ADAP2: variants seen among roughly 807,000 people sequenced by gnomAD.
ADAP2 encodes ArfGAP with dual PH domains 2, also known as arf-GAP with dual PH domain-containing protein 2.
A neutral mutation model predicts 54.9 loss-of-function variants in ADAP2; 42 were observed. The observed-to-expected ratio is 0.77, with a 90% CI of 0.60 to 0.99. The LOEUF (loss-of-function observed/expected upper bound fraction) is 0.99, where lower values mean the gene tolerates loss of function less well. Ranked by LOEUF, ADAP2 falls within the 50% of genes least tolerant of loss-of-function variation. The pLI, the probability that ADAP2 is intolerant of heterozygous loss-of-function variation, is 0.00. For synonymous variants in ADAP2, 177 were observed against 180.1 expected (o/e 0.98, Z 0.14); for missense variants, 429 against 480.4 (o/e 0.89, Z 1.00).
chr17:30,924,870 T>TG (rs1567713089), intron 2 of ADAP2, among the ~76,000 whole-genome samples: 2 of 151,578 alleles, frequency 1.3e-5, no homozygotes, highest in African/African-American at 4.8e-5. Flanking sequence ...TTTTTTGTTT[T>TG]TTTTGTTTTT....
chr17:30,928,279 C>T (rs944808359), intron 3 of ADAP2, among the ~76,000 whole-genome samples: 3 of 150,864 alleles, frequency 2.0e-5, no homozygotes, highest in Non-Finnish European at 4.4e-5. Context: ...GCGGATCACT[C>T]GAGGCCAGGA....
rs1911620735 is a variant in ADAP2, at chr17:30,933,193, G to A, written c.398-992G>A. On this transcript the variant is annotated intron_variant, in intron 4 of 10. Coordinates refer to ENST00000330889, the MANE Select transcript of ADAP2 (RefSeq NM_018404.3). ...ACCACAAATTATTCTATTTATTTAT[G>A]TATTTATTTATTGAGTCAGGGTCTC... 3.3e-5 allele frequency among the ~76,000 whole-genome samples: 5 copies of A among 152,228 alleles called. No homozygotes were observed. In the South Asian group the frequency reaches 1.0e-3, roughly 32 times the overall value.
At chr17:30,925,357 T>C (rs891801636) in intron 2 of ADAP2, among the ~76,000 whole-genome samples, 9 of 150,690 alleles carry the variant, frequency 6.0e-5, no homozygotes, top group African/African-American at 2.2e-4. Flanking sequence ...GCCCGGCTAA[T>C]TTTTTGTATT....
chr17:30,939,617 A>G (rs1330130307), intron 5 of ADAP2, among the ~76,000 whole-genome samples: 1 of 151,942 alleles, frequency 6.6e-6, no homozygotes, highest in Non-Finnish European at 1.5e-5. Context: ...TAAAAATACA[A>G]AAACTTAGCT....
In ADAP2 at chr17:30,934,284, T is replaced by G. The variant is rs1296410096; in HGVS notation, c.497T>G (p.Phe166Cys). The G allele has an allele frequency of 6.2e-7, 1 of 1,613,308 alleles. No individual in the cohort carries two copies. The highest frequency in any genetic ancestry group is 2.2e-5 in the East Asian group (1 of 44,876). The stretch of plus-strand genomic sequence containing the variant: ...GCAAGAGAAGGCCTCCTGAAGTACT[T>G]CACAAAGGAACAGGTAAGATGCCAG... ...LLAREGLLKY[F>C]TKEQGKSPKA... Residue 166 changes from phenylalanine (F) to cysteine (C), a missense_variant, in exon 5 of 11, where the codon TTC becomes TGC. Transcript: ENST00000330889.
Position 30,923,082 on chromosome 17 carries a change from T to C in ADAP2, c.225+12T>C. The C allele has an allele frequency of 6.2e-7, 1 of 1,613,100 alleles. No homozygotes were observed. The highest frequency in any genetic ancestry group is 1.1e-5 in the South Asian group (1 of 91,024). ...ACAGTATTGTGGAGGTAGAAAGGCA[T>C]GCCCGTGGAGAGCCATGGAACTGCG... On this transcript the variant is annotated intron_variant, in intron 2 of 10. Transcript: ENST00000330889.
intron 2 of ADAP2, among the ~76,000 whole-genome samples, chr17:30,926,286 G>C (rs1911053703): frequency 6.6e-6 from 1 of 152,212 alleles, no homozygotes; most frequent in African/African-American, 2.4e-5. Context: ...TGGTGCATCA[G>C]CCTCTGGGTC....
At chr17:30,925,704 T>C (rs1911010674) in intron 2 of ADAP2, among the ~76,000 whole-genome samples, 1 of 151,860 alleles carries the variant, frequency 6.6e-6, no homozygotes, top group Admixed American at 6.6e-5. Context: ...CAAGCAATTC[T>C]TGTGCCTCAG....
In ADAP2 at chr17:30,958,010, C is replaced by A; in HGVS notation, c.*141C>A. 1 of 825,404 alleles carries A rather than the reference C, an allele frequency of 1.2e-6. No individual in the cohort carries two copies. The highest frequency in any genetic ancestry group is 2.0e-6 in the Non-Finnish European group (1 of 498,796). 51.1% of individuals were successfully genotyped at this position (825,404 alleles called of 1,614,324 possible). On this transcript the variant is annotated 3_prime_UTR_variant, in exon 11 of 11. Coordinates refer to ENST00000330889, the MANE Select transcript of ADAP2 (RefSeq NM_018404.3). Reference sequence around the variant, plus strand: ...GCAGTGAACTCTGCCAGGACTGAAGCTGTGGCTTTATCCATCAGCTCCCTG... The same window carrying A: ...GCAGTGAACTCTGCCAGGACTGAAGATGTGGCTTTATCCATCAGCTCCCTG...
chr17:30,923,088 T>G lies in ADAP2; in HGVS notation c.225+18T>G, dbSNP rs1740256338. 1.2e-6 allele frequency: 2 copies of G among 1,612,282 alleles called. No individual in the cohort carries two copies. Among genetic ancestry groups the G allele is most frequent in the African/African-American group, 2.7e-5 (2 of 74,800 alleles). Reference sequence around the variant, plus strand: ...TTGTGGAGGTAGAAAGGCATGCCCGTGGAGAGCCATGGAACTGCGGGACTG... The same window carrying G: ...TTGTGGAGGTAGAAAGGCATGCCCGGGGAGAGCCATGGAACTGCGGGACTG... On this transcript the variant is annotated intron_variant, in intron 2 of 10. Transcript: ENST00000330889.
chr17:30,956,325 G>A lies in ADAP2; in HGVS notation c.967G>A (p.Gly323Arg). Residue 323 changes from glycine to arginine, a missense_variant, in exon 10 of 11, where the codon GGA becomes AGA. By Grantham distance (125) the Gly-to-Arg change is moderately radical. Coordinates refer to ENST00000330889, the MANE Select transcript of ADAP2 (RefSeq NM_018404.3). The part of the protein sequence containing the change: ...AYEDLPKGIR[G>R]NRWKAGLTIV... ...CGAAGACCTGCCCAAGGGCATCCGA[G>A]GAAATCGCTGGAAAGCCGGACTCAC... 6.2e-7 allele frequency: 1 copy of A among 1,614,202 alleles called. No homozygotes were observed. Among genetic ancestry groups the A allele is most frequent in the Non-Finnish European group, 8.5e-7 (1 of 1,180,040 alleles).
intron 5 of ADAP2, among the ~76,000 whole-genome samples, chr17:30,941,520 GA>G (rs1912267552): frequency 6.6e-6 from 1 of 152,186 alleles, no homozygotes; most frequent in African/African-American, 2.4e-5. Flanking sequence ...GTTGCTCTGA[GA>G]GGGGCTGTTT....
At chr17:30,922,887 G>T (rs1048663132) in intron 1 of ADAP2, 53 bp from the exon 2 acceptor site, 2 of 1,597,282 alleles carry the variant, frequency 1.3e-6, no homozygotes, top group Admixed American at 3.4e-5. Flanking sequence ...GCCCAGCCCT[G>T]GTTTCTTCAC....
intron 5 of ADAP2, 33 bp from the exon 6 acceptor site, chr17:30,944,874 G>C (rs762612367): frequency 3.7e-6 from 6 of 1,608,306 alleles, no homozygotes; most frequent in Non-Finnish European, 4.2e-6. Context: ...CCTGTGGACT[G>C]TCAGCGTCTT....
intron 2 of ADAP2, among the ~76,000 whole-genome samples, chr17:30,924,882 T>G (rs1910912340): frequency 2.6e-5 from 4 of 151,492 alleles, no homozygotes; most frequent in African/African-American, 7.3e-5. Flanking sequence ...TTTGTTTTTT[T>G]TTTTTTTGAG....
In ADAP2 at chr17:30,957,878, C is replaced by T. The variant is rs777427099; in HGVS notation, c.*9C>T. 5 of 1,612,344 alleles carry T rather than the reference C, an allele frequency of 3.1e-6. No individual in the cohort carries two copies. Among genetic ancestry groups the T allele is most frequent in the Non-Finnish European group, 4.2e-6 (5 of 1,179,232 alleles). ...GCCGCAGCAGCAGGTGACCCATTAA[C>T]TGAGGAACTGGCTGCCACTGAACAC... is the stretch of plus-strand genomic sequence containing the variant. On this transcript the variant is annotated 3_prime_UTR_variant, in exon 11 of 11. Transcript: ENST00000330889.
chr17:30,933,588 C>T (rs1344470265), intron 4 of ADAP2, among the ~76,000 whole-genome samples: 1 of 152,158 alleles, frequency 6.6e-6, no homozygotes, highest in African/African-American at 2.4e-5. Context: ...CAACCTCCCC[C>T]TCCCGGGTTC....
Position 30,922,065 on chromosome 17 carries a change from G to C in ADAP2, c.51G>C (p.Ala17=). ...NKKRLLELLR[A]PDTGNAHCAD... is the part of the protein sequence containing the mutation. ...AGCGGCTGCTGGAGCTGCTGCGGGCGCCGGACACAGGCAACGCGCACTGCG... is the reference window on the plus strand; with the variant it reads ...AGCGGCTGCTGGAGCTGCTGCGGGCCCCGGACACAGGCAACGCGCACTGCG... The change falls in exon 1 of 11, where the codon GCG becomes GCC. Residue 17 remains alanine, a synonymous_variant. Transcript: ENST00000330889. 7.9e-7 allele frequency: 1 copy of C among 1,272,852 alleles called. No individual in the cohort carries two copies. The highest frequency in any genetic ancestry group is 9.9e-7 in the Non-Finnish European group (1 of 1,014,634). 78.8% of individuals were successfully genotyped at this position (1,272,852 alleles called of 1,614,324 possible).
intron 5 of ADAP2, among the ~76,000 whole-genome samples, chr17:30,938,331 A>G (rs1220030563): frequency 6.6e-6 from 1 of 152,150 alleles, no homozygotes; most frequent in Non-Finnish European, 1.5e-5. Context: ...GTCTAGCTTA[A>G]GCTTTCTTGT....
Sources: allele counts gnomAD v4.1 joint callset (sites outside exome capture counted in the v4.1 genomes callset), GRCh38; gene constraint gnomAD v4.1.1; transcripts MANE v1.5; gene names NCBI Gene and HGNC (gene_info 2026-07-23, HGNC 2026-07-21).